Variants in KCNB2 observed in about 807,000 individuals in gnomAD.
KCNB2 encodes the protein delayed rectifier potassium channel protein.
A neutral mutation model predicts 61.5 loss-of-function variants in KCNB2; 15 were observed. That is an observed-to-expected ratio of 0.24 (90% CI 0.16 to 0.38). The LOEUF (loss-of-function observed/expected upper bound fraction) is 0.38. KCNB2 is among the 10% of genes least tolerant of loss of function. The pLI is 1.00. For synonymous variants in KCNB2, 457 were observed against 446.0 expected (o/e 1.02, Z -0.31); for missense variants, 828 against 1,125.2 (o/e 0.74, Z 3.78).
Position 72,633,920 on chromosome 8 carries a change from T to C in KCNB2, c.579+65607T>C, listed in dbSNP as rs975136013. On this transcript the variant is annotated intron_variant, in intron 2 of 2. Transcript: ENST00000523207. ...TGCTGCAGCCATAAAAAAAAAGGTC[T>C]GTGTGCATCTTGGTTGCCCATCTTC... is the stretch of plus-strand genomic sequence containing the variant. 4.2e-4 allele frequency among the ~76,000 whole-genome samples: 64 copies of C among 152,164 alleles called. 2 individuals carry two copies. The highest frequency in any genetic ancestry group is 6.5e-5 in the Admixed American group (1 of 15,274).
chr8:72,907,703 C>G (rs1806203389), intron 2 of KCNB2, among the ~76,000 whole-genome samples: 1 of 152,178 alleles, frequency 6.6e-6, no homozygotes, highest in African/African-American at 2.4e-5. Flanking sequence ...CAAATGTAGG[C>G]TCGAAAGCAT....
intron 2 of KCNB2, among the ~76,000 whole-genome samples, chr8:72,721,610 G>C (rs1281910846): frequency 6.6e-6 from 1 of 152,128 alleles, no homozygotes; most frequent in Non-Finnish European, 1.5e-5. Context: ...TTCATCCCTG[G>C]TGCAGGACTC....
intron 2 of KCNB2, among the ~76,000 whole-genome samples, chr8:72,863,951 C>A (rs1805464008): frequency 6.6e-6 from 1 of 152,162 alleles, no homozygotes; most frequent in Non-Finnish European, 1.5e-5. Flanking sequence ...TTGCAGTAAA[C>A]CAAGATGGCA....
At chr8:72,670,563 A>G (rs1453195294) in intron 2 of KCNB2, among the ~76,000 whole-genome samples, 1 of 152,076 alleles carries the variant, frequency 6.6e-6, no homozygotes, top group Non-Finnish European at 1.5e-5. Context: ...TCCCACCTTG[A>G]CAGTTTCAAT....
At chr8:72,659,167 A>G (rs558692375) in intron 2 of KCNB2, among the ~76,000 whole-genome samples, 14 of 152,346 alleles carry the variant, frequency 9.2e-5, no homozygotes, top group Middle Eastern at 3.4e-3. Context: ...TGATGCCATT[A>G]GGAATATTCA....
In KCNB2 at chr8:72,561,779, A is replaced by G. The variant is rs868430820; in HGVS notation, c.-93-5863A>G. On this transcript the variant is annotated intron_variant, in intron 1 of 2. Coordinates refer to ENST00000523207, the MANE Select transcript of KCNB2 (RefSeq NM_004770.3). ...TATATATGGATATATATATATATGG[A>G]TATATATATACATATATATATATAT... Among the ~76,000 whole-genome samples, 35 of 10,274 alleles carry G rather than the reference A, an allele frequency of 3.4e-3. 5 individuals are homozygous for G. Among genetic ancestry groups the G allele is most frequent in the Admixed American group, 0.017 (11 of 644 alleles). The allele number at this position is 10,274 out of a possible 152,430, so 6.7% of individuals were successfully genotyped here. A position where few individuals can be genotyped will look rare whatever the true frequency, so the allele number is the denominator to read the frequency against.
chr8:72,574,123 A>G (rs574388947), intron 2 of KCNB2, among the ~76,000 whole-genome samples: 1 of 152,372 alleles, frequency 6.6e-6, no homozygotes, highest in Admixed American at 6.5e-5. Context: ...AATAAGGCAT[A>G]AGAAAATAAA....
intron 2 of KCNB2, among the ~76,000 whole-genome samples, chr8:72,655,438 C>A (rs150469182): frequency 1.9e-4 from 29 of 152,060 alleles, no homozygotes; most frequent in African/African-American, 7.0e-4. Context: ...CCTAAAATAA[C>A]TGTTAAAAAT....
intron 2 of KCNB2, among the ~76,000 whole-genome samples, chr8:72,893,655 G>A (rs2129006043): frequency 6.6e-6 from 1 of 152,212 alleles, no homozygotes. Context: ...CCCCTTAGCA[G>A]ATAACACAAG....
At chr8:72,899,773 G>A (rs545097646) in intron 2 of KCNB2, among the ~76,000 whole-genome samples, 183 of 152,230 alleles carry the variant, frequency 1.2e-3, no homozygotes, top group Admixed American at 4.2e-3. Flanking sequence ...TAGATTGGGC[G>A]CCACACTGCC....
chr8:72,614,975 G>A (rs1312833963), intron 2 of KCNB2, among the ~76,000 whole-genome samples: 1 of 152,092 alleles, frequency 6.6e-6, no homozygotes, highest in Admixed American at 6.6e-5. Flanking sequence ...GACCCTATGA[G>A]CAGATGATAG....
At chr8:72,838,584 G>A (rs937382420) in intron 2 of KCNB2, among the ~76,000 whole-genome samples, 1 of 152,174 alleles carries the variant, frequency 6.6e-6, no homozygotes, top group African/African-American at 2.4e-5. Flanking sequence ...GTGTGCATGT[G>A]TCTTTATAGC....
At chr8:72,565,653 CACACACACAACACACACACACACA>C (rs1806612761) in intron 1 of KCNB2, among the ~76,000 whole-genome samples, 1 of 151,158 alleles carries the variant, frequency 6.6e-6, no homozygotes. Context: ...AATACACACA[CACACACACAACACACACACACACA>C]ACACACACAC....
chr8:72,781,512 G>C (rs1808754383), intron 2 of KCNB2, among the ~76,000 whole-genome samples: 2 of 152,158 alleles, frequency 1.3e-5, no homozygotes. Flanking sequence ...TCAAAGATAA[G>C]ATAGTTGTGG....
intron 2 of KCNB2, among the ~76,000 whole-genome samples, chr8:72,842,865 G>A (rs138315238): frequency 0.17 from 26,143 of 151,974 alleles, 2,438 homozygotes; most frequent in Admixed American, 0.26. Flanking sequence ...CATCTATTTT[G>A]TTGATCTTTT....
chr8:72,905,010 G>A (rs1205403209), intron 2 of KCNB2, among the ~76,000 whole-genome samples: 1 of 152,120 alleles, frequency 6.6e-6, no homozygotes, highest in Non-Finnish European at 1.5e-5. Context: ...TCTTCCACAA[G>A]ATCTGGAGAA....
chr8:72,721,234 C>T (rs1280637794), intron 2 of KCNB2, among the ~76,000 whole-genome samples: 1 of 152,208 alleles, frequency 6.6e-6, no homozygotes, highest in Non-Finnish European at 1.5e-5. Flanking sequence ...CTATGACACA[C>T]GTTTCTTTAT....
chr8:72,693,990 A>T (rs147189845), intron 2 of KCNB2, among the ~76,000 whole-genome samples: 24 of 152,328 alleles, frequency 1.6e-4, no homozygotes, highest in Admixed American at 4.6e-4. Flanking sequence ...TAGAATGTTT[A>T]TCTTAAGGAC....
intron 2 of KCNB2, among the ~76,000 whole-genome samples, chr8:72,587,652 T>A (rs927763701): frequency 1.3e-5 from 2 of 151,890 alleles, no homozygotes; most frequent in Non-Finnish European, 2.9e-5. Flanking sequence ...TTGCTTAAGC[T>A]GGGGAGGTTG....
Sources: allele counts gnomAD v4.1 joint callset (sites outside exome capture counted in the v4.1 genomes callset), GRCh38; gene constraint gnomAD v4.1.1; transcripts MANE v1.5; gene names NCBI Gene and HGNC (gene_info 2026-07-23, HGNC 2026-07-21).